Variants in NEURL1 observed in about 807,000 individuals in gnomAD.
The protein encoded by NEURL1 is neuralized E3 ubiquitin protein ligase 1.
NEURL1 carries 26 observed loss-of-function variants against 41.2 expected under a neutral mutation model. The observed-to-expected ratio is 0.63, with a 90% CI of 0.46 to 0.87. The LOEUF is 0.87. NEURL1 is among the 40% of genes least tolerant of loss of function. The probability of loss-of-function intolerance (pLI) is 0.00; values close to 1 mark genes in which losing one functional copy is unlikely to be tolerated. For missense variants in NEURL1, 761 were observed against 871.1 expected, an observed-to-expected ratio of 0.87 and a Z score of 1.59; for synonymous variants, 400 against 402.3, an observed-to-expected ratio of 0.99 and a Z score of 0.07.
intron 1 of NEURL1, among the ~76,000 whole-genome samples, chr10:103,504,138 C>T (rs1307384303): frequency 1.3e-5 from 2 of 151,974 alleles, no homozygotes; most frequent in East Asian, 1.9e-4. Flanking sequence ...GGATTACAGG[C>T]ACACACCACC....
chr10:103,526,912 A>G (rs1592197238), intron 1 of NEURL1, among the ~76,000 whole-genome samples: 2 of 145,068 alleles, frequency 1.4e-5, no homozygotes, highest in African/African-American at 2.6e-5. Context: ...GATCCTTTGT[A>G]TTTCTGTGGT....
intron 3 of NEURL1, among the ~76,000 whole-genome samples, chr10:103,575,769 C>T (rs2035649182): frequency 1.3e-5 from 2 of 152,228 alleles, no homozygotes; most frequent in South Asian, 4.1e-4. Flanking sequence ...GCGCCCTGGC[C>T]CAAGCCCAGG....
In NEURL1 at chr10:103,556,740, C is replaced by T. The variant is rs1288140967; in HGVS notation, c.86-14132C>T. Among the ~76,000 whole-genome samples the T allele has an allele frequency of 6.6e-6, 1 of 152,216 alleles. No individual in the cohort carries two copies. The highest frequency in any genetic ancestry group is 1.5e-5 in the Non-Finnish European group (1 of 68,034). ...GAAGACACATAATCCGGAGCCAGGC[C>T]AGGGGCACTGCCAGTGGCCTGGGCC... is the stretch of plus-strand genomic sequence containing the variant. On this transcript the variant is annotated intron_variant, in intron 1 of 5. Transcript: ENST00000369780. This position sits in a 1 kb window ranked among gnomAD's most constrained non-coding sequence, Gnocchi z 4.4.
At chr10:103,504,242 C>G (rs767755682) in intron 1 of NEURL1, among the ~76,000 whole-genome samples, 3 of 152,104 alleles carry the variant, frequency 2.0e-5, no homozygotes, top group East Asian at 3.9e-4. Flanking sequence ...CTGCCCTCCT[C>G]GGCCTCCCAG....
At position 103,495,577 on chromosome 10, in the gene NEURL1, C is replaced by T. The variant is rs142644462; in HGVS notation, c.85+1105C>T. On this transcript the variant is annotated intron_variant, in intron 1 of 5. Coordinates refer to ENST00000369780, the MANE Select transcript of NEURL1 (RefSeq NM_004210.5). ...CAGGTTCCCAAAGCCAGCCAGACCTCGGCGCTAGGTGCTAGGCTGTAGACC... is the reference window on the plus strand; with the variant it reads ...CAGGTTCCCAAAGCCAGCCAGACCTTGGCGCTAGGTGCTAGGCTGTAGACC... Among the ~76,000 whole-genome samples, 276 of 152,236 alleles carry T rather than the reference C, an allele frequency of 1.8e-3. 3 individuals carry two copies. The highest frequency in any genetic ancestry group is 7.9e-4 in the Non-Finnish European group (54 of 68,028).
intron 1 of NEURL1, among the ~76,000 whole-genome samples, chr10:103,521,591 G>C (rs886744099): frequency 8.5e-5 from 13 of 152,208 alleles, no homozygotes; most frequent in Non-Finnish European, 1.8e-4. Context: ...GGTTCTAACA[G>C]GTGGGCTAGT....
At chr10:103,521,209 A>G (rs1403018701) in intron 1 of NEURL1, among the ~76,000 whole-genome samples, 1 of 152,166 alleles carries the variant, frequency 6.6e-6, no homozygotes, top group African/African-American at 2.4e-5. Flanking sequence ...AAAGCCCGAG[A>G]AACTGCTTGG....
intron 3 of NEURL1, among the ~76,000 whole-genome samples, chr10:103,582,388 C>T (rs1264732907): frequency 6.6e-6 from 1 of 152,212 alleles, no homozygotes; most frequent in Non-Finnish European, 1.5e-5. Context: ...TGCAGCCCCC[C>T]AGCCTCTATG....
chr10:103,540,459 T>A (rs889473469), intron 1 of NEURL1, among the ~76,000 whole-genome samples: 1 of 125,844 alleles, frequency 7.9e-6, no homozygotes, highest in Non-Finnish European at 1.8e-5. Flanking sequence ...CTGGCTAATT[T>A]TTGTATTTTT....
chr10:103,556,719 A>G lies in NEURL1; in HGVS notation c.86-14153A>G, dbSNP rs569401590. Among the ~76,000 whole-genome samples the G allele has an allele frequency of 1.3e-5, 2 of 152,354 alleles. No individual in the cohort carries two copies. The highest frequency in any genetic ancestry group is 6.5e-5 in the Admixed American group (1 of 15,312). On this transcript the variant is annotated intron_variant, in intron 1 of 5. Coordinates refer to ENST00000369780, the MANE Select transcript of NEURL1 (RefSeq NM_004210.5). This position sits in a 1 kb window ranked among gnomAD's most constrained non-coding sequence, Gnocchi z 4.4. ...AGTGACAGATGGAAGGCCCTGGAAG[A>G]CACATAATCCGGAGCCAGGCCAGGG...
At chr10:103,564,424 G>T (rs936956633) in intron 1 of NEURL1, among the ~76,000 whole-genome samples, 106 of 152,242 alleles carry the variant, frequency 7.0e-4, no homozygotes, top group African/African-American at 2.5e-3. Context: ...GAGCAGTTGT[G>T]CAGCCCACAC....
At chr10:103,523,031 G>T (rs2034388768) in intron 1 of NEURL1, among the ~76,000 whole-genome samples, 1 of 151,728 alleles carries the variant, frequency 6.6e-6, no homozygotes, top group Non-Finnish European at 1.5e-5. Context: ...CATTTTATGG[G>T]GTACAGTGAT....
At chr10:103,588,839 A>G (rs1310402257) in intron 4 of NEURL1, 6 of 446,480 alleles carry the variant, frequency 1.3e-5, no homozygotes, top group South Asian at 6.3e-5. Flanking sequence ...CCAACTACTC[A>G]GGAGGCTGAG....
intron 1 of NEURL1, among the ~76,000 whole-genome samples, chr10:103,559,057 C>T (rs1276744480): frequency 1.3e-5 from 2 of 152,124 alleles, no homozygotes; most frequent in Non-Finnish European, 2.9e-5. Context: ...ACTGAGGCCA[C>T]ACAGCTGGCG....
intron 1 of NEURL1, among the ~76,000 whole-genome samples, chr10:103,512,633 CCAAA>C (rs1447184701): frequency 6.6e-6 from 1 of 152,132 alleles, no homozygotes; most frequent in Non-Finnish European, 1.5e-5. Flanking sequence ...CCCATCTCTA[CCAAA>C]CAAACATAAA....
intron 1 of NEURL1, among the ~76,000 whole-genome samples, chr10:103,501,618 T>TTTATTATTATCATTA (rs1554888032): frequency 2.1e-5 from 3 of 142,596 alleles, no homozygotes; most frequent in Non-Finnish European, 4.5e-5. Flanking sequence ...TCCCACTTTA[T>TTTATTATTATCATTA]TTATTATTAT....
chr10:103,513,433 C>T (rs764143401), intron 1 of NEURL1, among the ~76,000 whole-genome samples: 4 of 152,240 alleles, frequency 2.6e-5, no homozygotes, highest in Non-Finnish European at 5.9e-5. Flanking sequence ...GGCCCTGCCC[C>T]AGGGTGTGGC....
Position 103,590,397 on chromosome 10 carries a change from T to C in NEURL1, c.*25T>C, listed in dbSNP as rs1392241602. On this transcript the variant is annotated 3_prime_UTR_variant, in exon 6 of 6. Coordinates refer to ENST00000369780, the MANE Select transcript of NEURL1 (RefSeq NM_004210.5). ...GCCCGTTGCGGTGGCCCATCCCGCATACCCATCTTCTCGGGCTTCAGCCCA... is the reference window on the plus strand; with the variant it reads ...GCCCGTTGCGGTGGCCCATCCCGCACACCCATCTTCTCGGGCTTCAGCCCA... 2 of 1,573,762 alleles carry C rather than the reference T, an allele frequency of 1.3e-6. No individual in the cohort carries two copies. Among genetic ancestry groups the C allele is most frequent in the Admixed American group, 1.7e-5 (1 of 59,930 alleles).
chr10:103,509,234 C>CAAA (rs56319349), intron 1 of NEURL1, among the ~76,000 whole-genome samples: 2 of 111,540 alleles, frequency 1.8e-5, no homozygotes, highest in African/African-American at 3.1e-5. Context: ...GACTCTGTCT[C>CAAA]AAAAAAAAAA....
Sources: gnomAD v4.1 joint callset for allele counts (sites outside exome capture counted in the v4.1 genomes callset) on GRCh38, gnomAD v4.1.1 for gene constraint, Gnocchi (gnomAD v3.1) non-coding constraint, MANE v1.5 for transcripts, NCBI Gene and HGNC (gene_info 2026-07-23, HGNC 2026-07-21) for gene names.